XPO5: variants seen among roughly 807,000 people sequenced by gnomAD.
XPO5 encodes the protein exportin 5.
A neutral mutation model predicts 160.6 loss-of-function variants in XPO5; 46 were observed. The ratio of observed to expected loss-of-function variants is 0.29; its 90% CI spans 0.23 to 0.37. The LOEUF (loss-of-function observed/expected upper bound fraction) is 0.37. Ranked by LOEUF, XPO5 falls within the 10% of genes least tolerant of loss-of-function variation. The pLI, the probability that XPO5 is intolerant of heterozygous loss-of-function variation, is 1.00. For synonymous variants in XPO5, 537 were observed against 519.3 expected (o/e 1.03, Z -0.46); for missense variants, 1,090 against 1,463.9 (o/e 0.74, Z 4.17).
Position 43,553,512 on chromosome 6 carries a change from CACACACACACACAT to C in XPO5, c.1442-23_1442-10del, listed in dbSNP as rs1461387096. 16 of 1,415,450 alleles carry C rather than the reference CACACACACACACAT, an allele frequency of 1.1e-5. No individual in the cohort carries two copies. Among genetic ancestry groups the C allele is most frequent in the East Asian group, 6.1e-5 (2 of 33,048 alleles). The allele number at this position is 1,415,450 out of a possible 1,614,324, so 87.7% of individuals were successfully genotyped here. ...TCCAACTGCAGAACAAGCTTTAAAA[CACACACACACACAT>C]ACACACACACACACACACACACAAT... On this transcript the variant is annotated splice_polypyrimidine_tract_variant and intron_variant, in intron 13 of 31. Coordinates refer to ENST00000265351, the MANE Select transcript of XPO5 (RefSeq NM_020750.3).
chr6:43,560,497 G>A (rs1561882620), intron 10 of XPO5, among the ~76,000 whole-genome samples, 194 bp from the exon 11 acceptor site: 3 of 152,132 alleles, frequency 2.0e-5, no homozygotes. Context: ...GTGGATCAAG[G>A]AAATTACCTG....
At position 43,571,803 on chromosome 6, in the gene XPO5, C is replaced by CA. The variant is rs1038939431; in HGVS notation, c.300+702dup. Among the ~76,000 whole-genome samples, 540 of 124,498 alleles carry CA rather than the reference C, an allele frequency of 4.3e-3. 1 individual carries two copies. The highest frequency in any genetic ancestry group is 0.013 in the Middle Eastern group (3 of 232). 81.7% of individuals were successfully genotyped at this position (124,498 alleles called of 152,430 possible). On this transcript the variant is annotated intron_variant, in intron 3 of 31. Coordinates refer to ENST00000265351, the MANE Select transcript of XPO5 (RefSeq NM_020750.3). ...AGCCGGAGCAACAGAGACTCTGTCT[C>CA]AAAAAAAAAAAAAAGTCATATTCTA...
At chr6:43,550,011 G>C in intron 15 of XPO5, 77 bp from the exon 16 acceptor site, 2 of 1,477,514 alleles carry the variant, frequency 1.4e-6, no homozygotes, top group Middle Eastern at 2.0e-4. Context: ...GCCCAGACTA[G>C]ACTTGAATTC....
chr6:43,530,423 A>C (rs1793894692), intron 23 of XPO5, among the ~76,000 whole-genome samples: 1 of 136,230 alleles, frequency 7.3e-6, no homozygotes, highest in African/African-American at 3.1e-5. Context: ...AGACTGTCTC[A>C]AAAAAAAAAA....
intron 3 of XPO5, 115 bp from the exon 4 acceptor site, chr6:43,571,109 A>C: frequency 9.3e-7 from 1 of 1,072,630 alleles, no homozygotes; most frequent in Non-Finnish European, 1.3e-6. Context: ...TTTAAACCAA[A>C]CAGAACAAAT....
chr6:43,545,151 G>A (rs1186570258), intron 20 of XPO5, among the ~76,000 whole-genome samples: 1 of 152,046 alleles, frequency 6.6e-6, no homozygotes, highest in Non-Finnish European at 1.5e-5. Flanking sequence ...GGGATTACAG[G>A]TGTGAGCCAC....
intron 2 of XPO5, chr6:43,573,278 T>C: frequency 1.6e-6 from 1 of 641,134 alleles, no homozygotes; most frequent in South Asian, 2.2e-5. Flanking sequence ...CCACACACTT[T>C]ACATGGATGA....
chr6:43,573,264 T>G (rs1763104822), intron 2 of XPO5: 2 of 535,970 alleles, frequency 3.7e-6, no homozygotes, highest in Non-Finnish European at 6.2e-6. Flanking sequence ...ATGGGTAATA[T>G]GTACCACACA....
At position 43,565,741 on chromosome 6, in the gene XPO5, A is replaced by G; in HGVS notation, c.835-5T>C. On this transcript the variant is annotated splice_region_variant and splice_polypyrimidine_tract_variant and intron_variant, in intron 7 of 31. Coordinates refer to ENST00000265351, the MANE Select transcript of XPO5 (RefSeq NM_020750.3). ...CTTCCGGTCTTCCAACTTGCCCTAGACCCAATTTTAGGGAAACATAGTCAT... is the reference window on the plus strand; with the variant it reads ...CTTCCGGTCTTCCAACTTGCCCTAGGCCCAATTTTAGGGAAACATAGTCAT... 6.3e-7 allele frequency: 1 copy of G among 1,598,426 alleles called. No homozygotes were observed. Among genetic ancestry groups the G allele is most frequent in the Non-Finnish European group, 8.5e-7 (1 of 1,173,568 alleles).
chr6:43,548,197 C>CTA, intron 18 of XPO5, 64 bp downstream of exon 18: 1 of 1,484,448 alleles, frequency 6.7e-7, no homozygotes, highest in East Asian at 2.3e-5. Context: ...CACCCTGGGC[C>CTA]TAGCTCTTAA....
intron 12 of XPO5, 175 bp from the exon 13 acceptor site, chr6:43,556,139 T>A: frequency 1.2e-6 from 1 of 829,838 alleles, no homozygotes; most frequent in South Asian, 2.3e-5. Context: ...ATCCAGAAGT[T>A]TTTGAAAATA....
At chr6:43,564,678 C>T (rs1248710023) in intron 8 of XPO5, among the ~76,000 whole-genome samples, 2 of 152,132 alleles carry the variant, frequency 1.3e-5, no homozygotes, top group East Asian at 1.9e-4. Flanking sequence ...TCATGGTTCA[C>T]GATTGCCTGG....
At chr6:43,556,762 T>C (rs1762111561) in intron 12 of XPO5, among the ~76,000 whole-genome samples, 1 of 152,122 alleles carries the variant, frequency 6.6e-6, no homozygotes, top group African/African-American at 2.4e-5. Flanking sequence ...AAAATGGAAA[T>C]AACTCAAATG....
chr6:43,528,683 A>C, intron 24 of XPO5, 145 bp downstream of exon 24: 1 of 740,844 alleles, frequency 1.3e-6, no homozygotes, highest in Admixed American at 2.5e-5. Context: ...TACAGCAAGG[A>C]TAGTCAGCTG....
rs753601430 is a variant in XPO5, at chr6:43,573,466, C to T, written c.227+14G>A. 3.1e-6 allele frequency: 5 copies of T among 1,612,314 alleles called. No homozygotes were observed. The highest frequency in any genetic ancestry group is 1.1e-5 in the South Asian group (1 of 91,046). ...TCTCTCAGACTTCAGTGGTAATGTC[C>T]AAGAGCTCCTTACTTGACAACGTGT... On this transcript the variant is annotated intron_variant, in intron 2 of 31. Coordinates refer to ENST00000265351, the MANE Select transcript of XPO5 (RefSeq NM_020750.3).
At chr6:43,558,612 G>T (rs780246154) in intron 11 of XPO5, 21 bp from the exon 12 acceptor site, 30 of 1,549,906 alleles carry the variant, frequency 1.9e-5, no homozygotes, top group Non-Finnish European at 2.3e-5. Context: ...AAAGGTAATT[G>T]GGGTAGGGGA....
chr6:43,562,692 T>C lies in XPO5; in HGVS notation c.912-346A>G, dbSNP rs1355309973. 5.3e-5 allele frequency among the ~76,000 whole-genome samples: 8 copies of C among 152,124 alleles called. No homozygotes were observed. The East Asian group carries it at 1.5e-3, about 29-fold the overall frequency. Reference sequence around the variant, plus strand: ...GGAACATTGAAGGACAGGATGGTATTATGGTGTCCAATGCAATCTCTGGAG... The same window carrying C: ...GGAACATTGAAGGACAGGATGGTATCATGGTGTCCAATGCAATCTCTGGAG... On this transcript the variant is annotated intron_variant, in intron 8 of 31. Transcript: ENST00000265351.
intron 18 of XPO5, 143 bp downstream of exon 18, chr6:43,548,118 G>T (rs1217128902): frequency 2.4e-6 from 2 of 844,116 alleles, no homozygotes; most frequent in Non-Finnish European, 3.5e-6. Context: ...AATTACAAAA[G>T]ACTGCTTTTA....
chr6:43,524,780 G>A, intron 30 of XPO5, 51 bp downstream of exon 30: 2 of 1,608,172 alleles, frequency 1.2e-6, no homozygotes, highest in South Asian at 1.1e-5. Context: ...ACTAGGAGCA[G>A]ACTGAGTGAT....
Sources: gnomAD v4.1 joint callset for allele counts (sites outside exome capture counted in the v4.1 genomes callset) on GRCh38, gnomAD v4.1.1 for gene constraint, MANE v1.5 for transcripts, NCBI Gene and HGNC (gene_info 2026-07-23, HGNC 2026-07-21) for gene names.